Variants in HBEGF observed in about 807,000 individuals in gnomAD.
The protein encoded by HBEGF is proheparin-binding EGF-like growth factor.
A neutral mutation model predicts 19.5 loss-of-function variants in HBEGF; 8 were observed. The observed-to-expected ratio is 0.41, with a 90% CI of 0.24 to 0.74. HBEGF has a LOEUF of 0.74. HBEGF is among the 30% of genes least tolerant of loss of function. HBEGF has a pLI of 0.32. For missense variants in HBEGF, 207 were observed against 256.9 expected (o/e 0.81, Z 1.33); for synonymous variants, 97 against 108.9 (o/e 0.89, Z 0.68).
chr5:140,342,714 G>A lies in HBEGF; in HGVS notation c.319C>T (p.Pro107Ser). ...AAGTCCTTGTATTTCCGAAGACATG[G>A]GTCCCTCTTCTTCCCTAGCCCCTTG... Reference protein sequence around the residue: ...KGKGLGKKRDPCLRKYKDFCI... With the variant: ...KGKGLGKKRDSCLRKYKDFCI... Residue 107 changes from proline to serine, a missense_variant, in exon 3 of 6, where the codon CCA becomes TCA. By Grantham distance (74) the Pro-to-Ser change is moderately conservative (BLOSUM62 -1). Around this residue, in one of 3 missense-constraint regions of HBEGF, gnomAD observed 127 missense variants for 132.7 expected, o/e 0.96. Coordinates refer to ENST00000230990, the MANE Select transcript of HBEGF (RefSeq NM_001945.3). The A allele has an allele frequency of 6.2e-7, 1 of 1,614,146 alleles. No homozygotes were observed. The highest frequency in any genetic ancestry group is 8.5e-7 in the Non-Finnish European group (1 of 1,180,024).
chr5:140,343,215 G>A (rs1766342842), intron 2 of HBEGF, among the ~76,000 whole-genome samples: 1 of 151,916 alleles, frequency 6.6e-6, no homozygotes. Flanking sequence ...ATTTCCTGAT[G>A]CTGTACTCAG....
chr5:140,338,135 C>T (rs191504420), intron 3 of HBEGF, among the ~76,000 whole-genome samples: 5 of 152,290 alleles, frequency 3.3e-5, no homozygotes, highest in South Asian at 2.1e-4. Flanking sequence ...TCCAAGGAAG[C>T]ATATCTGATA....
chr5:140,337,737 T>C (rs1378334751), intron 3 of HBEGF, among the ~76,000 whole-genome samples: 1 of 152,164 alleles, frequency 6.6e-6, no homozygotes, highest in African/African-American at 2.4e-5. Flanking sequence ...AGGCCCACTA[T>C]ACGTATAGCA....
rs11465437 is a variant in HBEGF, at chr5:140,343,331, T to C, written c.221-519A>G. Among the ~76,000 whole-genome samples, 318 of 152,314 alleles carry C rather than the reference T, an allele frequency of 2.1e-3. 1 individual carries two copies. The highest frequency in any genetic ancestry group is 7.4e-3 in the African/African-American group (307 of 41,570). ...TCCTAATATAAGAACAGTGTCCATGTGTTCAGGTGGTCTCTTCTGGGGCAC... is the reference window on the plus strand; with the variant it reads ...TCCTAATATAAGAACAGTGTCCATGCGTTCAGGTGGTCTCTTCTGGGGCAC... On this transcript the variant is annotated intron_variant, in intron 2 of 5. Coordinates refer to ENST00000230990, the MANE Select transcript of HBEGF (RefSeq NM_001945.3).
At chr5:140,344,173 C>T (rs979425880) in intron 2 of HBEGF, among the ~76,000 whole-genome samples, 4 of 151,816 alleles carry the variant, frequency 2.6e-5, no homozygotes, top group African/African-American at 7.3e-5. Context: ...AAACTCATGG[C>T]AGGCAGAGTG....
chr5:140,345,287 C>T (rs923984168), intron 2 of HBEGF, among the ~76,000 whole-genome samples: 2 of 152,210 alleles, frequency 1.3e-5, no homozygotes, highest in African/African-American at 4.8e-5. Context: ...CATTTGGAGT[C>T]TCCTCAGGAA....
rs878963848 is a variant in HBEGF, at chr5:140,334,715, A to G, written c.588T>C (p.Asn196=). 2.5e-6 allele frequency: 4 copies of G among 1,613,822 alleles called. No homozygotes were observed. The highest frequency in any genetic ancestry group is 2.2e-5 in the East Asian group (1 of 44,862). The change falls in exon 5 of 6, where the codon AAT becomes AAC. Residue 196 remains asparagine, a synonymous_variant. Transcript: ENST00000230990. ...TCATGCCCAACTTCACTTTCTCTTC[A>G]TTTTCCACATCATAACCTCCTCTCC... ...YHRRGGYDVE[N]EEKVKLGMTN...
Position 140,346,597 on chromosome 5 carries a change from G to C in HBEGF, c.-269C>G, listed in dbSNP as rs998660359. 81 of 504,104 alleles carry C rather than the reference G, an allele frequency of 1.6e-4. No individual in the cohort carries two copies. The highest frequency in any genetic ancestry group is 1.5e-3 in the African/African-American group (73 of 48,552). 31.2% of individuals were successfully genotyped at this position (504,104 alleles called of 1,614,324 possible). ...CAGCGTGGCCCGCGTAGCTCCTTCG[G>C]CCGAATGAGCGCTGCCCGGCTCGCG... On this transcript the variant is annotated 5_prime_UTR_variant, in exon 1 of 6. Transcript: ENST00000230990. This position sits in a 1 kb window ranked among gnomAD's most constrained non-coding sequence, Gnocchi z 6.1.
At position 140,346,546 on chromosome 5, in the gene HBEGF, C is replaced by T; in HGVS notation, c.-218G>A. On this transcript the variant is annotated 5_prime_UTR_variant, in exon 1 of 6. Coordinates refer to ENST00000230990, the MANE Select transcript of HBEGF (RefSeq NM_001945.3). This position sits in a 1 kb window ranked among gnomAD's most constrained non-coding sequence, Gnocchi z 6.1. ...AGCCCGCCCGCGCGGCCGCCCGACCCCGCGCGCCTAGGTCAGGCCAGCCAG... is the reference window on the plus strand; with the variant it reads ...AGCCCGCCCGCGCGGCCGCCCGACCTCGCGCGCCTAGGTCAGGCCAGCCAG... 1.7e-6 allele frequency: 1 copy of T among 600,366 alleles called. No individual in the cohort carries two copies. Among genetic ancestry groups the T allele is most frequent in the Non-Finnish European group, 2.9e-6 (1 of 341,804 alleles). 37.2% of individuals were successfully genotyped at this position (600,366 alleles called of 1,614,324 possible).
intron 4 of HBEGF, among the ~76,000 whole-genome samples, chr5:140,335,411 G>T (rs1453765152): frequency 6.8e-6 from 1 of 147,912 alleles, no homozygotes; most frequent in Non-Finnish European, 1.5e-5. Context: ...AAGAAAGAAA[G>T]AAAACAGGCA....
intron 2 of HBEGF, chr5:140,343,136 T>C (rs1309593373): frequency 3.4e-6 from 1 of 289,954 alleles, no homozygotes; most frequent in Non-Finnish European, 6.5e-6. Context: ...CACCCCACTG[T>C]CCACCTTACA....
chr5:140,345,789 T>C (rs1276405301), intron 2 of HBEGF, 122 bp downstream of exon 2: 1 of 1,215,766 alleles, frequency 8.2e-7, no homozygotes, highest in Admixed American at 2.1e-5. Flanking sequence ...CCGATCAGCT[T>C]TTCCCCGAGG....
Position 140,345,904 on chromosome 5 carries a change from C to A in HBEGF, c.220+7G>T. ...AAGGTCCAAGGATGGGGGGCCTCCA[C>A]ACCCACCTCTCAAAAGGTCCAGATC... On this transcript the variant is annotated splice_region_variant and intron_variant, in intron 2 of 5. Transcript: ENST00000230990. 1 of 1,614,096 alleles carries A rather than the reference C, an allele frequency of 6.2e-7. No homozygotes were observed. The highest frequency in any genetic ancestry group is 1.1e-5 in the South Asian group (1 of 91,076).
chr5:140,336,758 A>G (rs1766232685), intron 3 of HBEGF, among the ~76,000 whole-genome samples: 1 of 152,158 alleles, frequency 6.6e-6, no homozygotes, highest in Non-Finnish European at 1.5e-5. Context: ...GAAGACTGTC[A>G]GAAACAATCC....
chr5:140,344,103 A>C (rs2126719572), intron 2 of HBEGF, among the ~76,000 whole-genome samples: 1 of 151,678 alleles, frequency 6.6e-6, no homozygotes, highest in East Asian at 1.9e-4. Context: ...GTGCCATTGC[A>C]CTCCAGCCTG....
chr5:140,337,271 T>G (rs1766243238), intron 3 of HBEGF, among the ~76,000 whole-genome samples: 1 of 152,190 alleles, frequency 6.6e-6, no homozygotes, highest in Non-Finnish European at 1.5e-5. Context: ...AGGAGCCCTG[T>G]TTTACAGAAA....
chr5:140,341,779 C>G (rs1766316455), intron 3 of HBEGF, among the ~76,000 whole-genome samples: 1 of 152,202 alleles, frequency 6.6e-6, no homozygotes, highest in Non-Finnish European at 1.5e-5. Flanking sequence ...ATGTTTGCAG[C>G]CTGACGCAGG....
chr5:140,339,203 G>A (rs1040060059), intron 3 of HBEGF, among the ~76,000 whole-genome samples: 1 of 152,086 alleles, frequency 6.6e-6, no homozygotes, highest in Non-Finnish European at 1.5e-5. Flanking sequence ...CAAGAGAAGC[G>A]GGATCACCAT....
chr5:140,340,749 A>T (rs1341279529), intron 3 of HBEGF, among the ~76,000 whole-genome samples: 1 of 152,136 alleles, frequency 6.6e-6, no homozygotes, highest in Non-Finnish European at 1.5e-5. Flanking sequence ...CCCTCTATAA[A>T]ATGCTGCTCC....
Sources: gnomAD v4.1 joint callset for allele counts (sites outside exome capture counted in the v4.1 genomes callset) on GRCh38, gnomAD v4.1.1 for gene constraint, gnomAD v4.1.1 regional missense constraint, Gnocchi (gnomAD v3.1) non-coding constraint, MANE v1.5 for transcripts, NCBI Gene and HGNC (gene_info 2026-07-23, HGNC 2026-07-21) for gene names.